Variants in SGCD observed in about 807,000 individuals in gnomAD.
SGCD encodes delta-sarcoglycan.
SGCD carries 18 observed loss-of-function variants against 36.6 expected under a neutral mutation model. The observed-to-expected ratio is 0.49, with a 90% CI of 0.34 to 0.73. SGCD has a LOEUF of 0.73. Among genes scored for constraint, SGCD ranks in the 30% least tolerant of loss-of-function variants. SGCD has a pLI of 0.01. For synonymous variants in SGCD, 133 were observed against 130.6 expected, an observed-to-expected ratio of 1.02 and a Z score of -0.12; for missense variants, 387 against 346.7, an observed-to-expected ratio of 1.12 and a Z score of -0.92.
chr5:156,695,138 T>TGTGTTTG (rs1561861645), intron 7 of SGCD, among the ~76,000 whole-genome samples: 9 of 145,816 alleles, frequency 6.2e-5, no homozygotes, highest in South Asian at 4.3e-4. Flanking sequence ...GTGTGTGTGT[T>TGTGTTTG]TGTGTGTGTG....
At chr5:155,839,921 A>G in the SGCD span, among the ~76,000 whole-genome samples, 2 of 148,632 alleles carry the variant, frequency 1.3e-5, no homozygotes, top group Non-Finnish European at 2.9e-5. Flanking sequence ...CCCAGCAACG[A>G]TCTGCCTTTG....
intron 7 of SGCD, among the ~76,000 whole-genome samples, chr5:156,685,595 C>G (rs1418085841): frequency 9.2e-5 from 14 of 152,264 alleles, no homozygotes; most frequent in Non-Finnish European, 1.5e-5. Context: ...CACAGAACCT[C>G]CAGCTTGCTT....
At chr5:156,580,175 C>T (rs1408903128) in intron 4 of SGCD, among the ~76,000 whole-genome samples, 1 of 152,154 alleles carries the variant, frequency 6.6e-6, no homozygotes, top group African/African-American at 2.4e-5. Context: ...ACTTATGAAG[C>T]TTATTTCGGC....
At chr5:156,220,499 A>C (rs1764690882) in intron 3 of SGCD, among the ~76,000 whole-genome samples, 1 of 152,186 alleles carries the variant, frequency 6.6e-6, no homozygotes, top group Middle Eastern at 3.2e-3. Flanking sequence ...TTAAAAGGAC[A>C]AATTAATAAG....
intron 1 of SGCD, among the ~76,000 whole-genome samples, chr5:156,054,934 A>G (rs1348909183): frequency 6.8e-6 from 1 of 146,390 alleles, no homozygotes; most frequent in African/African-American, 2.5e-5. Flanking sequence ...AAACCTGGAC[A>G]GTGTGCCAGT....
intron 3 of SGCD, among the ~76,000 whole-genome samples, chr5:156,349,078 A>G (rs1769101219): frequency 6.6e-6 from 1 of 152,136 alleles, no homozygotes; most frequent in Admixed American, 6.6e-5. Context: ...CTTGTCTCTC[A>G]CTGTATTGAA....
chr5:155,841,895 T>C, the SGCD span, among the ~76,000 whole-genome samples: 3 of 152,164 alleles, frequency 2.0e-5, no homozygotes. Flanking sequence ...GACATTTTTC[T>C]AAACACAATG....
At chr5:155,837,412 C>T in the SGCD span, among the ~76,000 whole-genome samples, 1 of 152,176 alleles carries the variant, frequency 6.6e-6, no homozygotes, top group Non-Finnish European at 1.5e-5. Context: ...CCTGCCTCAA[C>T]CTCCTGAAGT....
At chr5:156,024,838 G>A (rs256632) in intron 1 of SGCD, among the ~76,000 whole-genome samples, 54,941 of 151,422 alleles carry the variant, frequency 0.36, 10,256 homozygotes, top group South Asian at 0.47. Flanking sequence ...TGTGCCTGTA[G>A]TCTCAGCTAC....
At chr5:156,100,858 C>T (rs185351597) in intron 1 of SGCD, among the ~76,000 whole-genome samples, 4 of 152,208 alleles carry the variant, frequency 2.6e-5, no homozygotes. Flanking sequence ...CCTACCGTAC[C>T]TTGATTTTGG....
At chr5:156,475,038 T>A (rs773697807) in intron 3 of SGCD, among the ~76,000 whole-genome samples, 1 of 152,166 alleles carries the variant, frequency 6.6e-6, no homozygotes, top group Non-Finnish European at 1.5e-5. Context: ...AAGTAAATAA[T>A]AGCTATTAGC....
At chr5:156,621,385 G>A (rs1762240455) in intron 6 of SGCD, among the ~76,000 whole-genome samples, 1 of 152,102 alleles carries the variant, frequency 6.6e-6, no homozygotes, top group Admixed American at 6.6e-5. Context: ...TAGAGACGGG[G>A]TTTCACCGTA....
intron 3 of SGCD, among the ~76,000 whole-genome samples, chr5:156,216,882 C>A (rs249880): frequency 0.26 from 38,927 of 152,050 alleles, 5,492 homozygotes; most frequent in Non-Finnish European, 0.31. Context: ...AGTTCGAGAC[C>A]AGCCTGGCCA....
intron 6 of SGCD, among the ~76,000 whole-genome samples, chr5:156,610,180 A>G (rs1345394097): frequency 6.6e-6 from 1 of 151,792 alleles, no homozygotes; most frequent in Non-Finnish European, 1.5e-5. Context: ...AGTTTTATCT[A>G]CCTTTGGTCT....
At chr5:156,647,621 A>C in intron 7 of SGCD, 85 bp downstream of exon 7, 1 of 891,164 alleles carries the variant, frequency 1.1e-6, no homozygotes, top group Non-Finnish European at 1.8e-6. Flanking sequence ...TGAATAAATA[A>C]TAAGTGTCAC....
At chr5:156,677,532 C>T (rs1753561467) in intron 7 of SGCD, among the ~76,000 whole-genome samples, 1 of 151,866 alleles carries the variant, frequency 6.6e-6, no homozygotes, top group African/African-American at 2.4e-5. Flanking sequence ...CATACCAGGG[C>T]CTGTTGTAGG....
chr5:155,888,447 C>G (rs982579033), intron 1 of SGCD, among the ~76,000 whole-genome samples: 1 of 152,150 alleles, frequency 6.6e-6, no homozygotes, highest in African/African-American at 2.4e-5. Flanking sequence ...AAAAGAAAAG[C>G]ACACACATTT....
At chr5:155,799,390 G>T in the SGCD span, among the ~76,000 whole-genome samples, 3 of 149,804 alleles carry the variant, frequency 2.0e-5, no homozygotes, top group South Asian at 2.1e-4. Context: ...AAAGGACAAT[G>T]ACTTTATTTT....
intron 1 of SGCD, among the ~76,000 whole-genome samples, chr5:155,928,666 C>CAAAAAAAAAAAAAAAA (rs58548934): frequency 1.5e-5 from 1 of 68,214 alleles, no homozygotes; most frequent in Non-Finnish European, 2.6e-5. Flanking sequence ...GACTCTGTCT[C>CAAAAAAAAAAAAAAAA]AAAAAAAAAA....
Sources: gnomAD v4.1 joint callset for allele counts (sites outside exome capture counted in the v4.1 genomes callset) on GRCh38, gnomAD v4.1.1 for gene constraint, MANE v1.5 for transcripts, NCBI Gene and HGNC (gene_info 2026-07-23, HGNC 2026-07-21) for gene names.